The following MARCO variants were observed in gnomAD, a reference collection of about 807,000 sequenced individuals.
MARCO encodes the protein macrophage receptor with collagenous structure.
A neutral mutation model predicts 70.0 loss-of-function variants in MARCO; 72 were observed. That is an observed-to-expected ratio of 1.03 (90% confidence interval 0.85 to 1.25). The LOEUF is 1.25. Among genes scored for constraint, MARCO ranks in the 50% most tolerant of loss-of-function variants. MARCO has a pLI of 0.00. For missense variants in MARCO, 696 were observed against 659.3 expected, an observed-to-expected ratio of 1.06 and a Z score of -0.61; for synonymous variants, 273 against 243.1, an observed-to-expected ratio of 1.12 and a Z score of -1.14.
chr2:118,964,916 A>C (rs563700176), intron 1 of MARCO, among the ~76,000 whole-genome samples: 1 of 151,720 alleles, frequency 6.6e-6, no homozygotes, highest in Non-Finnish European at 1.5e-5. Flanking sequence ...ATTCCTTTAT[A>C]AGTAATGTGC....
chr2:118,963,797 T>C (rs575711681), intron 1 of MARCO, among the ~76,000 whole-genome samples: 3 of 152,128 alleles, frequency 2.0e-5, no homozygotes, highest in Non-Finnish European at 4.4e-5. Flanking sequence ...TTGGATTATG[T>C]TTTTTAATAC....
At chr2:118,990,559 TCCCC>T in intron 12 of MARCO, 26 bp from the exon 13 acceptor site, 71 of 1,308,206 alleles carry the variant, frequency 5.4e-5, no homozygotes, top group Non-Finnish European at 6.7e-5. Context: ...TATTATCTCC[TCCCC>T]CCCCCCTTTT....
intron 1 of MARCO, among the ~76,000 whole-genome samples, chr2:118,954,679 C>T (rs1385658342): frequency 2.0e-5 from 3 of 152,198 alleles, no homozygotes; most frequent in Non-Finnish European, 2.9e-5. Flanking sequence ...CCCTCTGCTG[C>T]GTCCGCTGGA....
Position 118,982,227 on chromosome 2 carries a change from G to C in MARCO, c.973G>C (p.Gly325Arg). The part of the protein sequence containing the change: ...VGHPGAKGEP[G>R]SAGSPGRAGL... Reference sequence around the variant, plus strand: ...ACACCCAGGTGCCAAGGGTGAGCCTGGCAGTGCTGGCTCCCCTGGGCGAGC... The same window carrying C: ...ACACCCAGGTGCCAAGGGTGAGCCTCGCAGTGCTGGCTCCCCTGGGCGAGC... Residue 325 changes from glycine (G) to arginine (R), a missense_variant, in exon 11 of 17, where the codon GGC becomes CGC. By Grantham distance (125) the Gly-to-Arg change is moderately radical (BLOSUM62 -2). Transcript: ENST00000327097. 2 of 1,613,304 alleles carry C rather than the reference G, an allele frequency of 1.2e-6. No individual in the cohort carries two copies. Among genetic ancestry groups the C allele is most frequent in the Middle Eastern group, 3.3e-4 (2 of 6,050 alleles).
chr2:118,979,995 T>C (rs1378571249), intron 8 of MARCO, among the ~76,000 whole-genome samples: 1 of 152,228 alleles, frequency 6.6e-6, no homozygotes, highest in Admixed American at 6.5e-5. Flanking sequence ...AGCCAGAGTG[T>C]GGTCCTCTGA....
chr2:118,960,437 T>C (rs1260811554), intron 1 of MARCO, among the ~76,000 whole-genome samples: 1 of 152,152 alleles, frequency 6.6e-6, no homozygotes, highest in Non-Finnish European at 1.5e-5. Flanking sequence ...AGTTCTCCTC[T>C]ATTTCTAGTT....
intron 6 of MARCO, among the ~76,000 whole-genome samples, chr2:118,976,375 G>C (rs1173331376): frequency 6.6e-6 from 1 of 152,088 alleles, no homozygotes; most frequent in Non-Finnish European, 1.5e-5. Context: ...CTCAGGAAAA[G>C]CTTGTGTAAT....
intron 1 of MARCO, among the ~76,000 whole-genome samples, chr2:118,960,015 C>G (rs1353222318): frequency 6.6e-6 from 1 of 151,872 alleles, no homozygotes; most frequent in Non-Finnish European, 1.5e-5. Flanking sequence ...ATGTATACTG[C>G]TTGGGTGATG....
At chr2:118,982,082 A>G in intron 10 of MARCO, 74 bp from the exon 11 acceptor site, 1 of 1,038,198 alleles carries the variant, frequency 9.6e-7, no homozygotes, top group African/African-American at 1.6e-5. Flanking sequence ...TGCTGAAAAC[A>G]GAAGCACTGG....
intron 13 of MARCO, among the ~76,000 whole-genome samples, chr2:118,990,920 G>A (rs1271014913): frequency 6.6e-6 from 1 of 152,168 alleles, no homozygotes; most frequent in Admixed American, 6.5e-5. Flanking sequence ...GGGGGTGCAG[G>A]CAGAGGCTCC....
In MARCO at chr2:118,962,016, A is replaced by G. The variant is rs146577903; in HGVS notation, c.98-7144A>G. Among the ~76,000 whole-genome samples, 126 of 152,026 alleles carry G rather than the reference A, an allele frequency of 8.3e-4. 2 individuals carry two copies. In the East Asian group the frequency reaches 0.019, roughly 23 times the overall value. ...CTTGTTTTTGTCAGGTTTGTTGAAG[A>G]TCAGATGCTCGTAGACGTGCGGTCT... On this transcript the variant is annotated intron_variant, in intron 1 of 16. Transcript: ENST00000327097.
intron 12 of MARCO, among the ~76,000 whole-genome samples, chr2:118,986,612 A>G (rs57894954): frequency 0.2 from 6,215 of 30,530 alleles, 410 homozygotes; most frequent in East Asian, 0.52. Context: ...AAAGAAAGAA[A>G]GAAAGAAAGA....
intron 1 of MARCO, among the ~76,000 whole-genome samples, chr2:118,964,781 G>C (rs945738066): frequency 3.3e-5 from 5 of 151,736 alleles, no homozygotes; most frequent in African/African-American, 9.7e-5. Context: ...ACAACTACTT[G>C]GGAGGCTGAG....
intron 1 of MARCO, among the ~76,000 whole-genome samples, chr2:118,953,347 T>C (rs536094571): frequency 1.5e-3 from 226 of 152,334 alleles, no homozygotes; most frequent in Non-Finnish European, 2.4e-3. Flanking sequence ...AACACACAAT[T>C]TATTCTTCAA....
chr2:118,970,311 C>T lies in MARCO; in HGVS notation c.397C>T (p.Arg133Trp), dbSNP rs781697652. The change falls in exon 3 of 17, where the codon CGG (arginine) becomes TGG (tryptophan). Residue 133 changes from arginine to tryptophan, a missense_variant. By Grantham distance (101) the Arg-to-Trp change is moderately radical. This residue lies in a region of MARCO where 605 missense variants were observed against 537.6 expected (regional missense o/e 1.13). Transcript: ENST00000327097. Reference sequence around the variant, plus strand: ...CGTCAGCCATGAGCACTTGCTGCAGCGGGTAGACAACTTCACTCAGAACCC... The same window carrying T: ...CGTCAGCCATGAGCACTTGCTGCAGTGGGTAGACAACTTCACTCAGAACCC... ...VRVSHEHLLQ[R>W]VDNFTQNPGM... 43 of 1,613,388 alleles carry T rather than the reference C, an allele frequency of 2.7e-5. No individual in the cohort carries two copies. Among genetic ancestry groups the T allele is most frequent in the Admixed American group, 6.7e-5 (4 of 59,930 alleles).
chr2:118,942,353 A>C lies in MARCO; in HGVS notation c.53A>C (p.Gln18Pro). 6.2e-7 allele frequency: 1 copy of C among 1,613,940 alleles called. No homozygotes were observed. The highest frequency in any genetic ancestry group is 8.5e-7 in the Non-Finnish European group (1 of 1,179,872). Residue 18 changes from glutamine (Q) to proline (P), a missense_variant, in exon 1 of 17, where the codon CAA becomes CCA. Around this residue, in one of 3 missense-constraint regions of MARCO, gnomAD observed 605 missense variants for 537.6 expected, o/e 1.13. Coordinates refer to ENST00000327097, the MANE Select transcript of MARCO (RefSeq NM_006770.4). ...KEDELLSETQ[Q>P]AAFHQIAMEP... ...GACGAGCTCTTGAGTGAGACCCAAC[A>C]AGCTGCTTTTCACCAAATTGCAATG...
In MARCO at chr2:118,994,585, G is replaced by A; in HGVS notation, c.*65G>A. ...CGGGCTCATATGTGGGAAGGCAGAGGATCTCTGAGGAGTTCCCTGGGGACA... is the reference window on the plus strand; with the variant it reads ...CGGGCTCATATGTGGGAAGGCAGAGAATCTCTGAGGAGTTCCCTGGGGACA... On this transcript the variant is annotated 3_prime_UTR_variant, in exon 17 of 17. Coordinates refer to ENST00000327097, the MANE Select transcript of MARCO (RefSeq NM_006770.4). The A allele has an allele frequency of 4.7e-6, 7 of 1,481,484 alleles. No homozygotes were observed. Among genetic ancestry groups the A allele is most frequent in the Non-Finnish European group, 6.3e-6 (7 of 1,109,232 alleles). The allele number at this position is 1,481,484 out of a possible 1,614,324, so 91.8% of individuals were successfully genotyped here.
At chr2:118,943,541 C>T (rs1230779137) in intron 1 of MARCO, among the ~76,000 whole-genome samples, 1 of 152,086 alleles carries the variant, frequency 6.6e-6, no homozygotes, top group East Asian at 1.9e-4. Context: ...GGTAAGCTGC[C>T]CATGAACTGA....
At chr2:118,991,137 G>T (rs1451074590) in intron 13 of MARCO, among the ~76,000 whole-genome samples, 1 of 152,150 alleles carries the variant, frequency 6.6e-6, no homozygotes, top group Admixed American at 6.6e-5. Context: ...CAGCTGGACG[G>T]TGTTTCTAGG....
Sources: allele counts gnomAD v4.1 joint callset (sites outside exome capture counted in the v4.1 genomes callset), GRCh38; gene constraint gnomAD v4.1.1; regional missense constraint gnomAD v4.1.1; transcripts MANE v1.5; gene names NCBI Gene and HGNC (gene_info 2026-07-23, HGNC 2026-07-21).